CTIF: variants seen among roughly 807,000 people sequenced by gnomAD.
The protein encoded by CTIF is CBP80/20-dependent translation initiation factor.
Under a neutral mutation model 66.0 loss-of-function variants are expected in CTIF, and 21 were observed. The ratio of observed to expected loss-of-function variants is 0.32; its 90% CI spans 0.23 to 0.46. CTIF has a LOEUF of 0.46. Among genes scored for constraint, CTIF ranks in the 20% least tolerant of loss-of-function variants. The pLI is 1.00. For missense variants in CTIF, 739 were observed against 812.7 expected (o/e 0.91, Z 1.10); for synonymous variants, 345 against 326.4 (o/e 1.06, Z -0.62).
At chr18:48,616,802 GC>G (rs1444391826) in intron 1 of CTIF, among the ~76,000 whole-genome samples, 1 of 152,202 alleles carries the variant, frequency 6.6e-6, no homozygotes, top group Non-Finnish European at 1.5e-5. Context: ...CCAAGGCAAT[GC>G]TCTGGCCTTC....
chr18:48,566,382 A>C (rs2089280761), intron 1 of CTIF: 1 of 152,244 alleles, frequency 6.6e-6, no homozygotes, highest in Non-Finnish European at 1.5e-5. Flanking sequence ...GGTGCATGCT[A>C]TGAAAATGAG....
At chr18:48,627,510 G>A (rs1205829764) in intron 2 of CTIF, among the ~76,000 whole-genome samples, 1 of 152,042 alleles carries the variant, frequency 6.6e-6, no homozygotes, top group Non-Finnish European at 1.5e-5. Flanking sequence ...CTTGAGCCCA[G>A]GAGTTCGAGG....
intron 7 of CTIF, among the ~76,000 whole-genome samples, chr18:48,725,565 C>A (rs910458496): frequency 2.0e-5 from 3 of 152,144 alleles, no homozygotes; most frequent in Non-Finnish European, 2.9e-5. Context: ...GAGCTCCCAC[C>A]TTCCTCTACT....
intron 9 of CTIF, among the ~76,000 whole-genome samples, chr18:48,807,452 T>A (rs1442646379): frequency 6.6e-6 from 1 of 152,056 alleles, no homozygotes; most frequent in African/African-American, 2.4e-5. Context: ...TCTTTCTTTT[T>A]AAAAAAAACT....
chr18:48,841,556 A>T (rs1347881483), intron 10 of CTIF, among the ~76,000 whole-genome samples: 1 of 152,230 alleles, frequency 6.6e-6, no homozygotes, highest in South Asian at 2.1e-4. Flanking sequence ...CGCCCCTGGC[A>T]TATGGCTGGG....
At chr18:48,576,497 G>A (rs1259272026) in intron 1 of CTIF, among the ~76,000 whole-genome samples, 4 of 152,350 alleles carry the variant, frequency 2.6e-5, no homozygotes, top group Admixed American at 6.5e-5. Flanking sequence ...CTCTGCTCAC[G>A]TTGAGAGTCC....
At position 48,810,764 on chromosome 18, in the gene CTIF, A is replaced by G. The variant is rs1310537787; in HGVS notation, c.1372-6457A>G. ...AATAGCTTCAGGTATATTCAAATCTATACTATAAAGTCTATAACATTTTGT... is the reference window on the plus strand; with the variant it reads ...AATAGCTTCAGGTATATTCAAATCTGTACTATAAAGTCTATAACATTTTGT... On this transcript the variant is annotated intron_variant, in intron 9 of 11. Coordinates refer to ENST00000256413, the MANE Select transcript of CTIF (RefSeq NM_014772.3). Among the ~76,000 whole-genome samples the G allele has an allele frequency of 4.6e-5, 7 of 150,970 alleles. No homozygotes were observed. The East Asian group carries it at 7.8e-4, about 17-fold the overall frequency.
intron 9 of CTIF, among the ~76,000 whole-genome samples, chr18:48,805,738 G>A (rs939085730): frequency 1.3e-5 from 2 of 152,228 alleles, no homozygotes; most frequent in Middle Eastern, 3.2e-3. Flanking sequence ...TATCAGGAGT[G>A]AACTGTCAGC....
chr18:48,560,729 C>T (rs971707915), intron 1 of CTIF, among the ~76,000 whole-genome samples: 1 of 151,984 alleles, frequency 6.6e-6, no homozygotes, highest in African/African-American at 2.4e-5. Flanking sequence ...CACCACTGTA[C>T]CCCACAAAAT....
chr18:48,667,098 C>CACACACACACACAT (rs2091450844), intron 5 of CTIF, among the ~76,000 whole-genome samples: 1 of 151,924 alleles, frequency 6.6e-6, no homozygotes, highest in Non-Finnish European at 1.5e-5. Flanking sequence ...CACACACACA[C>CACACACACACACAT]ACACACACAC....
At chr18:48,756,834 C>T (rs1353653672) in intron 7 of CTIF, among the ~76,000 whole-genome samples, 2 of 152,252 alleles carry the variant, frequency 1.3e-5, no homozygotes, top group Non-Finnish European at 2.9e-5. Flanking sequence ...ACAACTCACA[C>T]CTGTTCCCTG....
chr18:48,549,919 G>A (rs907546), intron 1 of CTIF, among the ~76,000 whole-genome samples: 106,071 of 151,928 alleles, frequency 0.7, 38,835 homozygotes, highest in East Asian at 0.96. Flanking sequence ...TTATTTATTG[G>A]GGGGGAGTTA....
At chr18:48,733,363 C>T (rs2092472291) in intron 7 of CTIF, among the ~76,000 whole-genome samples, 1 of 152,200 alleles carries the variant, frequency 6.6e-6, no homozygotes, top group Admixed American at 6.5e-5. Context: ...CCTCCATGTG[C>T]ATTAACCCTG....
At chr18:48,643,713 G>A (rs2090974573) in intron 3 of CTIF, among the ~76,000 whole-genome samples, 1 of 152,168 alleles carries the variant, frequency 6.6e-6, no homozygotes, top group Non-Finnish European at 1.5e-5. Flanking sequence ...CAGGAGGGCA[G>A]AAAGTCAGAG....
intron 3 of CTIF, among the ~76,000 whole-genome samples, chr18:48,659,683 G>A (rs965890089): frequency 3.9e-5 from 6 of 152,210 alleles, no homozygotes; most frequent in African/African-American, 1.4e-4. Context: ...TTGTGGCAAA[G>A]GAGAGGTGAG....
At position 48,619,409 on chromosome 18, in the gene CTIF, T is replaced by C. The variant is rs1359484823; in HGVS notation, c.-28-129T>C. ...CCAGCCCCTCGCTGACTTCTCAGGG[T>C]TGTTGGAAGAACAGAACGCCATGAT... On this transcript the variant is annotated intron_variant, in intron 1 of 11. Coordinates refer to ENST00000256413, the MANE Select transcript of CTIF (RefSeq NM_014772.3). 20 of 582,660 alleles carry C rather than the reference T, an allele frequency of 3.4e-5. No individual in the cohort carries two copies. The East Asian group carries it at 6.1e-4, about 18-fold the overall frequency. The allele number at this position is 582,660 out of a possible 1,614,324, so 36.1% of individuals were successfully genotyped here. A position where few individuals can be genotyped will look rare whatever the true frequency, so the allele number is the denominator to read the frequency against.
intron 1 of CTIF, among the ~76,000 whole-genome samples, chr18:48,581,408 C>G (rs2089653767): frequency 6.6e-6 from 1 of 152,096 alleles, no homozygotes. Flanking sequence ...TCTCTGGGTT[C>G]CAAGAGCTTT....
At chr18:48,556,037 A>G (rs1489424326) in intron 1 of CTIF, among the ~76,000 whole-genome samples, 1 of 152,218 alleles carries the variant, frequency 6.6e-6, no homozygotes. Flanking sequence ...TTCTGGAAGC[A>G]TGAGGGTTTG....
chr18:48,769,896 G>A (rs565176734), intron 9 of CTIF, among the ~76,000 whole-genome samples: 14 of 152,290 alleles, frequency 9.2e-5, no homozygotes, highest in African/African-American at 3.4e-4. Flanking sequence ...CAATCTGTTT[G>A]TGCAAATCTT....
Sources: allele counts gnomAD v4.1 joint callset (sites outside exome capture counted in the v4.1 genomes callset), GRCh38; gene constraint gnomAD v4.1.1; transcripts MANE v1.5; gene names NCBI Gene and HGNC (gene_info 2026-07-23, HGNC 2026-07-21).